The following ZNF148 variants were observed in gnomAD, a reference collection of about 807,000 sequenced individuals.
ZNF148 encodes the protein zinc finger protein 148, also known as Beta-Enolase Repressor Factor-1.
Under a neutral mutation model 67.7 loss-of-function variants are expected in ZNF148, and 7 were observed. That is an observed-to-expected ratio of 0.10 (90% confidence interval 0.06 to 0.19). ZNF148 has a LOEUF of 0.19. ZNF148 is among the 10% of genes least tolerant of loss of function. The pLI, the probability that ZNF148 is intolerant of heterozygous loss-of-function variation, is 1.00. For missense variants in ZNF148, 583 were observed against 947.1 expected, an observed-to-expected ratio of 0.62 and a Z score of 5.05; for synonymous variants, 333 against 330.7, an observed-to-expected ratio of 1.01 and a Z score of -0.08.
chr3:125,340,463 G>A (rs756059061), intron 1 of ZNF148, among the ~76,000 whole-genome samples: 1 of 152,142 alleles, frequency 6.6e-6, no homozygotes, highest in Non-Finnish European at 1.5e-5. Context: ...AAGTTACCAG[G>A]ACAGGCGAGA....
chr3:125,276,622 G>A lies in ZNF148; in HGVS notation c.667+1104C>T, dbSNP rs79474254. Among the ~76,000 whole-genome samples, 167 of 151,978 alleles carry A rather than the reference G, an allele frequency of 1.1e-3. 1 individual carries two copies. The highest frequency in any genetic ancestry group is 7.4e-3 in the East Asian group (38 of 5,148). Reference sequence around the variant, plus strand: ...CTAATTTTGTATTTTTAGTAGAGACGGGGTTTCTTCCATGTTGGTCAGGCT... The same window carrying A: ...CTAATTTTGTATTTTTAGTAGAGACAGGGTTTCTTCCATGTTGGTCAGGCT... On this transcript the variant is annotated intron_variant, in intron 7 of 8. Coordinates refer to ENST00000360647, the MANE Select transcript of ZNF148 (RefSeq NM_021964.3).
chr3:125,305,756 TA>T (rs1939840248), intron 4 of ZNF148, among the ~76,000 whole-genome samples: 1 of 143,272 alleles, frequency 7.0e-6, no homozygotes. Context: ...AAGGCTACAT[TA>T]AGCCATGATC....
At chr3:125,330,246 C>T (rs1046438112) in intron 2 of ZNF148, among the ~76,000 whole-genome samples, 20 of 152,112 alleles carry the variant, frequency 1.3e-4, no homozygotes, top group Admixed American at 3.3e-4. Context: ...GGATGGATTG[C>T]TTGAGCTCAG....
intron 7 of ZNF148, among the ~76,000 whole-genome samples, chr3:125,277,059 C>G (rs920739912): frequency 6.6e-6 from 1 of 152,062 alleles, no homozygotes; most frequent in African/African-American, 2.4e-5. Context: ...AAGCAAAACA[C>G]TGGAAATCAA....
At chr3:125,314,519 C>T (rs190792794) in intron 3 of ZNF148, among the ~76,000 whole-genome samples, 2 of 152,172 alleles carry the variant, frequency 1.3e-5, no homozygotes, top group Admixed American at 1.3e-4. Flanking sequence ...AGTTAAATTC[C>T]AACACACTAC....
At chr3:125,350,772 C>T (rs1579875475) in intron 1 of ZNF148, among the ~76,000 whole-genome samples, 1 of 152,214 alleles carries the variant, frequency 6.6e-6, no homozygotes. Flanking sequence ...CCACTCACTT[C>T]CTGCTGTGCA....
chr3:125,243,638 T>C (rs1936464624), intron 7 of ZNF148, among the ~76,000 whole-genome samples: 1 of 151,888 alleles, frequency 6.6e-6, no homozygotes, highest in Non-Finnish European at 1.5e-5. Flanking sequence ...CTCCCCAACT[T>C]CAGCCTCCCA....
In ZNF148 at chr3:125,229,215, T is replaced by G. The variant is rs1320904774; in HGVS notation, c.*3126A>C. 1 of 151,940 alleles carries G rather than the reference T, an allele frequency of 6.6e-6. No individual in the cohort carries two copies. Among genetic ancestry groups the G allele is most frequent in the Non-Finnish European group, 1.5e-5 (1 of 67,964 alleles). The allele number at this position is 151,940 out of a possible 1,614,324, so 9.4% of individuals were successfully genotyped here. A position where few individuals can be genotyped will look rare whatever the true frequency, so the allele number is the denominator to read the frequency against. ...TAAAGTTTCCCGGCCTTTTTTTTTT[T>G]TTTTTAAACAGCCCTTTAAAAACCC... On this transcript the variant is annotated 3_prime_UTR_variant, in exon 9 of 9. Coordinates refer to ENST00000360647, the MANE Select transcript of ZNF148 (RefSeq NM_021964.3).
rs202220290 is a variant in ZNF148 at position 125,327,315 on chromosome 3, CTAAA to C, written c.-153+3839_-153+3842del. Among the ~76,000 whole-genome samples the C allele has an allele frequency of 6.6e-3, 1,010 of 152,228 alleles. 13 individuals are homozygous for C. The highest frequency in any genetic ancestry group is 0.023 in the African/African-American group (948 of 41,510). On this transcript the variant is annotated intron_variant, in intron 2 of 8. Transcript: ENST00000360647. ...TATTTGGAGATCTCAATGTCCCACT[CTAAA>C]TAAGTGACAGAATAATTAGACAGAA... is the stretch of plus-strand genomic sequence containing the variant.
chr3:125,241,391 A>G (rs1936352150), intron 7 of ZNF148, among the ~76,000 whole-genome samples: 1 of 150,392 alleles, frequency 6.6e-6, no homozygotes. Context: ...CTCAAGTGAT[A>G]TTCCCACCTT....
chr3:125,340,987 C>CAA (rs934719609), intron 1 of ZNF148, among the ~76,000 whole-genome samples: 21 of 12,154 alleles, frequency 1.7e-3, no homozygotes, highest in Non-Finnish European at 2.3e-3. Context: ...GACTCCGGCT[C>CAA]AAAAAAAAAA....
At chr3:125,267,529 C>T (rs1206803929) in intron 7 of ZNF148, among the ~76,000 whole-genome samples, 1 of 152,012 alleles carries the variant, frequency 6.6e-6, no homozygotes, top group African/African-American at 2.4e-5. Flanking sequence ...AATCCAGCAT[C>T]CCTTCATTAT....
At chr3:125,290,183 C>T (rs922369467) in intron 4 of ZNF148, among the ~76,000 whole-genome samples, 10 of 152,166 alleles carry the variant, frequency 6.6e-5, no homozygotes, top group Non-Finnish European at 1.3e-4. Flanking sequence ...CAGAAGCGGT[C>T]AGACATGATT....
At chr3:125,314,222 AAAG>A (rs1456455760) in intron 3 of ZNF148, among the ~76,000 whole-genome samples, 1 of 152,190 alleles carries the variant, frequency 6.6e-6, no homozygotes, top group African/African-American at 2.4e-5. Flanking sequence ...ACTGATAATA[AAAG>A]TATGTATTAG....
intron 7 of ZNF148, among the ~76,000 whole-genome samples, chr3:125,243,111 T>G (rs1244024059): frequency 6.6e-6 from 1 of 152,212 alleles, no homozygotes; most frequent in South Asian, 2.1e-4. Flanking sequence ...GTTTACTCTT[T>G]TCACCTAGGA....
At chr3:125,351,403 A>AAAAAAAC in intron 1 of ZNF148, among the ~76,000 whole-genome samples, 2 of 151,124 alleles carry the variant, frequency 1.3e-5, no homozygotes, top group East Asian at 1.9e-4. Context: ...AAAAAAAAAA[A>AAAAAAAC]AAGCGCAGTT....
At chr3:125,304,924 G>A (rs1313778402) in intron 4 of ZNF148, among the ~76,000 whole-genome samples, 1 of 152,128 alleles carries the variant, frequency 6.6e-6, no homozygotes, top group African/African-American at 2.4e-5. Flanking sequence ...AGAACATAAT[G>A]TGCCAAAAAG....
Position 125,313,487 on chromosome 3 carries a change from T to A in ZNF148, c.154A>T (p.Met52Leu). The A allele has an allele frequency of 3.7e-6, 6 of 1,614,168 alleles. No homozygotes were observed. Among genetic ancestry groups the A allele is most frequent in the Non-Finnish European group, 5.1e-6 (6 of 1,180,032 alleles). The change falls in exon 4 of 9, where the codon ATG (methionine) becomes TTG (leucine). Residue 52 changes from methionine to leucine, a missense_variant. Coordinates refer to ENST00000360647, the MANE Select transcript of ZNF148 (RefSeq NM_021964.3). ...LQDSVLQDRSMPHQEILAADE... is the reference protein window; with the variant it reads ...LQDSVLQDRSLPHQEILAADE... ...GCAGCAAGGATCTCCTGGTGAGGCA[T>A]ACTTCGATCTTGAAGTACTGAATCC... is the stretch of plus-strand genomic sequence containing the variant.
At chr3:125,342,159 T>C (rs961203389) in intron 1 of ZNF148, among the ~76,000 whole-genome samples, 1 of 150,678 alleles carries the variant, frequency 6.6e-6, no homozygotes, top group African/African-American at 2.4e-5. Context: ...ATTCACACCA[T>C]CAAAGTTTCA....
Sources: allele counts gnomAD v4.1 joint callset (sites outside exome capture counted in the v4.1 genomes callset), GRCh38; gene constraint gnomAD v4.1.1; transcripts MANE v1.5; gene names NCBI Gene and HGNC (gene_info 2026-07-23, HGNC 2026-07-21).